Variants in NCK2 observed in about 807,000 individuals in gnomAD.
NCK2 encodes NCK adaptor protein 2, also known as cytoplasmic protein NCK2.
In NCK2, 16 loss-of-function variants were observed where a neutral mutation model predicts 33.9. The observed-to-expected ratio is 0.47, with a 90% CI of 0.32 to 0.72. The LOEUF (loss-of-function observed/expected upper bound fraction) is 0.72. Ranked by LOEUF, NCK2 falls within the 30% of genes least tolerant of loss-of-function variation. The pLI, the probability that NCK2 is intolerant of heterozygous loss-of-function variation, is 0.03. For missense variants in NCK2, 418 were observed against 537.3 expected (o/e 0.78, Z 2.19); for synonymous variants, 273 against 239.9 (o/e 1.14, Z -1.27).
At chr2:105,814,940 A>G (rs1226912192) in intron 1 of NCK2, among the ~76,000 whole-genome samples, 1 of 152,218 alleles carries the variant, frequency 6.6e-6, no homozygotes, top group Admixed American at 6.5e-5. Flanking sequence ...AACGTTTATA[A>G]TAGCCCCTGA....
At chr2:105,827,791 C>G (rs1359715204) in intron 2 of NCK2, among the ~76,000 whole-genome samples, 1 of 152,066 alleles carries the variant, frequency 6.6e-6, no homozygotes, top group Middle Eastern at 3.2e-3. Context: ...TTAGTGTTTA[C>G]AAGGGGTTGG....
Position 105,881,349 on chromosome 2 carries a change from A to G in NCK2, c.248A>G (p.Lys83Arg). 1 of 1,602,332 alleles carries G rather than the reference A, an allele frequency of 6.2e-7. No homozygotes were observed. The highest frequency in any genetic ancestry group is 8.5e-7 in the Non-Finnish European group (1 of 1,177,120). Residue 83 changes from lysine to arginine, a missense_variant, in exon 4 of 5, where the codon AAG becomes AGG. By Grantham distance (26) the Lys-to-Arg change is conservative. Coordinates refer to ENST00000233154, the MANE Select transcript of NCK2 (RefSeq NM_003581.5). ...ACAGGCCTCGGCAAGACGCGCAGGAAGACCAGCGCGCGGGATGCGTCCCCC... is the reference window on the plus strand; with the variant it reads ...ACAGGCCTCGGCAAGACGCGCAGGAGGACCAGCGCGCGGGATGCGTCCCCC... ...DTLGLGKTRRKTSARDASPTP... is the reference protein window; with the variant it reads ...DTLGLGKTRRRTSARDASPTP...
chr2:105,882,007 G>A lies in NCK2; in HGVS notation c.906G>A (p.Arg302=), dbSNP rs748282022. 171 of 1,506,324 alleles carry A rather than the reference G, an allele frequency of 1.1e-4. No homozygotes were observed. Among genetic ancestry groups the A allele is most frequent in the Non-Finnish European group, 8.0e-6 (9 of 1,127,028 alleles). The allele number at this position is 1,506,324 out of a possible 1,614,324, so 93.3% of individuals were successfully genotyped here. ...RHQAECALNE[R]GVEGDFLIRD... ...AGGCCGAGTGCGCCCTCAACGAGCG[G>A]GGCGTGGAGGGCGACTTCCTCATTA... Residue 302 remains arginine (R), a synonymous_variant, in exon 4 of 5, where the codon CGG becomes CGA. Coordinates refer to ENST00000233154, the MANE Select transcript of NCK2 (RefSeq NM_003581.5).
intron 1 of NCK2, among the ~76,000 whole-genome samples, chr2:105,792,346 A>C (rs865958199): frequency 5.1e-4 from 77 of 152,236 alleles, no homozygotes; most frequent in African/African-American, 1.7e-3. Flanking sequence ...TTCAGCAGTT[A>C]TCAATTAATG....
chr2:105,835,421 A>AT (rs1202826426), intron 2 of NCK2, among the ~76,000 whole-genome samples: 1 of 74,372 alleles, frequency 1.3e-5, no homozygotes, highest in African/African-American at 7.9e-5. Context: ...ATATATATAT[A>AT]TATTTTTTTT....
chr2:105,866,159 C>G (rs1677743449), intron 3 of NCK2, among the ~76,000 whole-genome samples: 1 of 152,140 alleles, frequency 6.6e-6, no homozygotes, highest in Non-Finnish European at 1.5e-5. Context: ...GGTGATCCAC[C>G]CACCTTGGCC....
chr2:105,799,647 A>G (rs1387530950), intron 1 of NCK2, among the ~76,000 whole-genome samples: 1 of 152,216 alleles, frequency 6.6e-6, no homozygotes, highest in East Asian at 1.9e-4. Context: ...ACGGAATACC[A>G]CTATATGAAA....
chr2:105,775,345 C>T (rs993835124), intron 1 of NCK2, among the ~76,000 whole-genome samples: 5 of 152,152 alleles, frequency 3.3e-5, no homozygotes, highest in Admixed American at 6.5e-5. Flanking sequence ...GTTAACTCAC[C>T]TCATTCCCTT....
chr2:105,866,605 G>A (rs1431954390), intron 3 of NCK2, among the ~76,000 whole-genome samples: 1 of 152,234 alleles, frequency 6.6e-6, no homozygotes, highest in Non-Finnish European at 1.5e-5. Flanking sequence ...TCACAATAGT[G>A]TTTGCGCTCC....
chr2:105,803,285 T>C (rs985305302), intron 1 of NCK2, among the ~76,000 whole-genome samples: 1 of 152,236 alleles, frequency 6.6e-6, no homozygotes. Context: ...TAGAAAAGTT[T>C]AGCTGCTGTT....
intron 1 of NCK2, among the ~76,000 whole-genome samples, chr2:105,768,461 C>G (rs899567890): frequency 6.6e-6 from 1 of 152,206 alleles, no homozygotes; most frequent in African/African-American, 2.4e-5. Context: ...CCTAAGCCAC[C>G]TGTACTTCTG....
At chr2:105,883,983 A>T (rs1678614591) in intron 4 of NCK2, among the ~76,000 whole-genome samples, 1 of 152,162 alleles carries the variant, frequency 6.6e-6, no homozygotes, top group South Asian at 2.1e-4. Context: ...ACGTGGCCTG[A>T]TGCTGTGCAG....
At chr2:105,827,912 C>T (rs895696297) in intron 2 of NCK2, among the ~76,000 whole-genome samples, 1 of 152,086 alleles carries the variant, frequency 6.6e-6, no homozygotes, top group East Asian at 1.9e-4. Flanking sequence ...GGAGTTTACA[C>T]ACATGATGAA....
At chr2:105,792,943 G>A (rs1410180560) in intron 1 of NCK2, among the ~76,000 whole-genome samples, 7 of 152,100 alleles carry the variant, frequency 4.6e-5, no homozygotes, top group African/African-American at 1.4e-4. Context: ...TTACCCCGAC[G>A]TGCAGTTTAG....
intron 1 of NCK2, among the ~76,000 whole-genome samples, chr2:105,798,116 A>G (rs910309712): frequency 2.0e-5 from 3 of 152,234 alleles, no homozygotes; most frequent in Admixed American, 6.5e-5. Context: ...GAACATAAGT[A>G]TCTTTAGGAT....
intron 1 of NCK2, among the ~76,000 whole-genome samples, chr2:105,779,704 C>T (rs537697497): frequency 2.0e-5 from 3 of 151,306 alleles, no homozygotes; most frequent in Admixed American, 2.0e-4. Flanking sequence ...TTTTTTTTTT[C>T]CCACTAATCA....
intron 2 of NCK2, among the ~76,000 whole-genome samples, chr2:105,836,892 G>C (rs1213646532): frequency 6.6e-6 from 1 of 152,154 alleles, no homozygotes; most frequent in Non-Finnish European, 1.5e-5. Flanking sequence ...CAGCATGAAT[G>C]GTCTTTCTAG....
intron 1 of NCK2, among the ~76,000 whole-genome samples, chr2:105,805,283 G>A (rs1404307605): frequency 6.6e-6 from 1 of 152,180 alleles, no homozygotes; most frequent in Non-Finnish European, 1.5e-5. Flanking sequence ...TAGCAGACGC[G>A]AGGGCAAAGA....
chr2:105,886,774 T>TA (rs1180832210), intron 4 of NCK2, among the ~76,000 whole-genome samples: 2 of 152,204 alleles, frequency 1.3e-5, no homozygotes, highest in Non-Finnish European at 2.9e-5. Context: ...CATTTGGGGA[T>TA]AGGGAGGGCT....
Sources: allele counts gnomAD v4.1 joint callset (sites outside exome capture counted in the v4.1 genomes callset), GRCh38; gene constraint gnomAD v4.1.1; transcripts MANE v1.5; gene names NCBI Gene and HGNC (gene_info 2026-07-23, HGNC 2026-07-21).